The following EPM2A variants were observed in gnomAD, a reference collection of about 807,000 sequenced individuals.
EPM2A encodes EPM2A glucan phosphatase, laforin, also known as laforin.
Under a neutral mutation model 26.5 loss-of-function variants are expected in EPM2A, and 21 were observed. The ratio of observed to expected loss-of-function variants is 0.79; its 90% CI spans 0.56 to 1.14. The LOEUF (loss-of-function observed/expected upper bound fraction) is 1.14, where lower values mean the gene tolerates loss of function less well. Among genes scored for constraint, EPM2A ranks in the 50% most tolerant of loss-of-function variants. The pLI is 0.00. For synonymous variants in EPM2A, 217 were observed against 177.6 expected, an observed-to-expected ratio of 1.22 and a Z score of -1.76; for missense variants, 458 against 440.8, an observed-to-expected ratio of 1.04 and a Z score of -0.35.
intron 2 of EPM2A, among the ~76,000 whole-genome samples, chr6:145,617,674 C>T (rs1264539728): frequency 1.3e-5 from 2 of 152,194 alleles, no homozygotes; most frequent in Non-Finnish European, 2.9e-5. Flanking sequence ...TGCTGTGGCT[C>T]ATGCCTGTAA....
intron 2 of EPM2A, among the ~76,000 whole-genome samples, chr6:145,536,982 G>C (rs1367418627): frequency 6.6e-6 from 1 of 152,136 alleles, no homozygotes; most frequent in Non-Finnish European, 1.5e-5. Context: ...CATGAGAAGT[G>C]GGGCATCCTA....
chr6:145,623,080 C>T (rs564718555), downstream of EPM2A, among the ~76,000 whole-genome samples: 1 of 152,262 alleles, frequency 6.6e-6, no homozygotes, highest in South Asian at 2.1e-4. Context: ...ACATTGTATG[C>T]TCTCAATGGT....
chr6:145,693,603 C>T (rs1781404477), intron 1 of EPM2A, among the ~76,000 whole-genome samples: 1 of 151,906 alleles, frequency 6.6e-6, no homozygotes, highest in Admixed American at 6.6e-5. Flanking sequence ...GACAGACACA[C>T]TAAAAGCCTA....
intron 4 of EPM2A, among the ~76,000 whole-genome samples, chr6:145,409,730 C>G (rs1422918535): frequency 6.6e-6 from 1 of 152,130 alleles, no homozygotes; most frequent in East Asian, 1.9e-4. Context: ...TAGGGGGACT[C>G]TGATGATTAT....
chr6:145,590,469 C>T (rs61453838), intron 2 of EPM2A, among the ~76,000 whole-genome samples: 10,194 of 151,908 alleles, frequency 0.067, 1,147 homozygotes, highest in African/African-American at 0.23. Flanking sequence ...GTGCCATTCA[C>T]AAGCCAATAA....
Position 145,728,141 on chromosome 6 carries a change from A to G in EPM2A, c.301+7057T>C, listed in dbSNP as rs78738192. 7.5e-3 allele frequency among the ~76,000 whole-genome samples: 1,141 copies of G among 152,354 alleles called. 82 individuals are homozygous for G. The East Asian group carries it at 0.17, about 22-fold the overall frequency. ...GTACAGCCTGGAGAATCATAAGTCA[A>G]TTAAGCTTCTTTTCTATATAAATCA... On this transcript the variant is annotated intron_variant, in intron 1 of 3. Coordinates refer to ENST00000367519, the MANE Select transcript of EPM2A (RefSeq NM_005670.4).
intron 2 of EPM2A, among the ~76,000 whole-genome samples, chr6:145,608,306 G>A (rs1775312300): frequency 6.6e-6 from 1 of 152,030 alleles, no homozygotes; most frequent in South Asian, 2.1e-4. Context: ...GTGTTTATAG[G>A]GATCATTACA....
At chr6:145,664,736 A>T (rs970756201) in intron 2 of EPM2A, among the ~76,000 whole-genome samples, 1 of 152,110 alleles carries the variant, frequency 6.6e-6, no homozygotes, top group African/African-American at 2.4e-5. Context: ...CACCATACCT[A>T]TTCCAAAATT....
chr6:145,623,926 T>C (rs550028103), downstream of EPM2A, among the ~76,000 whole-genome samples: 1 of 152,206 alleles, frequency 6.6e-6, no homozygotes, highest in African/African-American at 2.4e-5. Context: ...GAGGTTTGGG[T>C]CCTGAGCAGC....
chr6:145,639,775 C>T (rs1358869577), intron 2 of EPM2A: 1 of 152,140 alleles, frequency 6.6e-6, no homozygotes, highest in Non-Finnish European at 1.5e-5. Context: ...ACAGTACCTT[C>T]TAACTGGTCA....
intron 2 of EPM2A, among the ~76,000 whole-genome samples, chr6:145,579,288 A>G (rs1781080891): frequency 6.6e-6 from 1 of 152,132 alleles, no homozygotes; most frequent in Admixed American, 6.6e-5. Flanking sequence ...TTTAAATTCC[A>G]ATCTCTTCTG....
At chr6:145,455,899 A>T (rs1298399689) in intron 4 of EPM2A, among the ~76,000 whole-genome samples, 1 of 152,204 alleles carries the variant, frequency 6.6e-6, no homozygotes, top group Non-Finnish European at 1.5e-5. Context: ...ATTCCTTGGG[A>T]CTGTTTGAAT....
At chr6:145,563,502 A>G (rs1017884039) in intron 2 of EPM2A, among the ~76,000 whole-genome samples, 1 of 151,990 alleles carries the variant, frequency 6.6e-6, no homozygotes, top group Non-Finnish European at 1.5e-5. Flanking sequence ...TCACTGAGTC[A>G]TGGCTGTGAG....
At chr6:145,611,338 G>C (rs1775387449) in intron 2 of EPM2A, among the ~76,000 whole-genome samples, 1 of 151,732 alleles carries the variant, frequency 6.6e-6, no homozygotes, top group African/African-American at 2.4e-5. Flanking sequence ...ATTTTATTTA[G>C]ACAACTTCGA....
At chr6:145,700,595 A>C (rs1460369731) in intron 1 of EPM2A, among the ~76,000 whole-genome samples, 1 of 152,176 alleles carries the variant, frequency 6.6e-6, no homozygotes, top group Non-Finnish European at 1.5e-5. Context: ...TATACAAATA[A>C]TGCTGAGGCA....
intron 2 of EPM2A, among the ~76,000 whole-genome samples, chr6:145,607,373 C>G (rs1439169769): frequency 6.6e-6 from 1 of 152,130 alleles, no homozygotes; most frequent in Non-Finnish European, 1.5e-5. Flanking sequence ...AATTTAGTTC[C>G]AGGCTTGCTC....
chr6:145,540,534 T>C (rs1324812690), intron 2 of EPM2A, among the ~76,000 whole-genome samples: 2 of 152,206 alleles, frequency 1.3e-5, no homozygotes, highest in African/African-American at 4.8e-5. Flanking sequence ...CTCATATGTA[T>C]GTTAGAATCC....
chr6:145,574,052 C>A (rs1003384217), intron 2 of EPM2A, among the ~76,000 whole-genome samples: 16 of 152,130 alleles, frequency 1.1e-4, no homozygotes, highest in African/African-American at 2.7e-4. Flanking sequence ...AGACTCACTG[C>A]ATAAATTGTT....
At chr6:145,689,239 A>T (rs1317550393) in intron 1 of EPM2A, among the ~76,000 whole-genome samples, 1 of 152,192 alleles carries the variant, frequency 6.6e-6, no homozygotes, top group Admixed American at 6.5e-5. Context: ...TAATAATTAA[A>T]ATGTCTTTTA....
Sources: gnomAD v4.1 joint callset for allele counts (sites outside exome capture counted in the v4.1 genomes callset) on GRCh38, gnomAD v4.1.1 for gene constraint, MANE v1.5 for transcripts, NCBI Gene and HGNC (gene_info 2026-07-23, HGNC 2026-07-21) for gene names.